RPS6KC1: variants seen among roughly 807,000 people sequenced by gnomAD.
The protein encoded by RPS6KC1 is ribosomal protein S6 kinase C1, also known as inactive ribosomal protein S6 kinase delta-1.
Under a neutral mutation model 103.8 loss-of-function variants are expected in RPS6KC1, and 54 were observed. That is an observed-to-expected ratio of 0.52 (90% confidence interval 0.42 to 0.65). The LOEUF is 0.65. RPS6KC1 is among the 30% of genes least tolerant of loss of function. The probability of loss-of-function intolerance (pLI) is 0.00; values close to 1 mark genes in which losing one functional copy is unlikely to be tolerated. For missense variants in RPS6KC1, 1,151 were observed against 1,253.8 expected (o/e 0.92, Z 1.24); for synonymous variants, 439 against 438.7 (o/e 1.00, Z -0.01).
chr1:213,602,104 C>CT, the RPS6KC1 span, among the ~76,000 whole-genome samples: 7 of 29,710 alleles, frequency 2.4e-4, no homozygotes, highest in African/African-American at 9.7e-4. Flanking sequence ...TTCTTTCTTT[C>CT]TTTCTTTCTT....
the RPS6KC1 span, among the ~76,000 whole-genome samples, chr1:213,547,478 G>A: frequency 6.6e-6 from 1 of 152,190 alleles, no homozygotes; most frequent in African/African-American, 2.4e-5. Flanking sequence ...CAAAATTGAA[G>A]ATGTTCTGTC....
chr1:213,240,000 A>G (rs915965693), intron 10 of RPS6KC1, among the ~76,000 whole-genome samples: 1 of 152,136 alleles, frequency 6.6e-6, no homozygotes, highest in Non-Finnish European at 1.5e-5. Context: ...GATTTACATG[A>G]AAGTGATTTT....
At chr1:213,839,573 C>G in the RPS6KC1 span, among the ~76,000 whole-genome samples, 2 of 152,256 alleles carry the variant, frequency 1.3e-5, no homozygotes, top group East Asian at 3.9e-4. Context: ...TCTACCTCTC[C>G]TCGCCTCTCA....
At chr1:213,212,654 T>G (rs2093544727) in intron 8 of RPS6KC1, among the ~76,000 whole-genome samples, 1 of 152,250 alleles carries the variant, frequency 6.6e-6, no homozygotes, top group Admixed American at 6.5e-5. Flanking sequence ...TGTAAGAAAC[T>G]GCCAAACTGT....
At chr1:213,724,947 C>T in the RPS6KC1 span, among the ~76,000 whole-genome samples, 18 of 152,158 alleles carry the variant, frequency 1.2e-4, no homozygotes, top group Non-Finnish European at 2.1e-4. Flanking sequence ...TGCCTAAAAT[C>T]CATCTGATGG....
chr1:213,395,719 T>G, the RPS6KC1 span, among the ~76,000 whole-genome samples: 483 of 152,286 alleles, frequency 3.2e-3, 4 homozygotes, highest in African/African-American at 0.01. Flanking sequence ...TTTCTAAAGA[T>G]TTAATAATTG....
chr1:213,291,505 T>C, the RPS6KC1 span, among the ~76,000 whole-genome samples: 3 of 152,234 alleles, frequency 2.0e-5, no homozygotes, highest in Non-Finnish European at 4.4e-5. Flanking sequence ...CTGCACAGCG[T>C]TCCTTGCGTG....
chr1:213,447,670 C>A, the RPS6KC1 span, among the ~76,000 whole-genome samples: 1 of 152,118 alleles, frequency 6.6e-6, no homozygotes, highest in Non-Finnish European at 1.5e-5. Context: ...GAATTGCATC[C>A]TAATCAATGC....
At chr1:213,385,217 G>A in the RPS6KC1 span, among the ~76,000 whole-genome samples, 1 of 152,250 alleles carries the variant, frequency 6.6e-6, no homozygotes, top group Non-Finnish European at 1.5e-5. Flanking sequence ...GGGCAGGACT[G>A]TGCCTGTGTG....
chr1:213,729,682 C>T, the RPS6KC1 span, among the ~76,000 whole-genome samples: 3 of 152,178 alleles, frequency 2.0e-5, no homozygotes, highest in African/African-American at 4.8e-5. Context: ...TTCCTTTATT[C>T]CAAGCCTGCT....
chr1:213,194,804 T>C (rs2092879804), intron 8 of RPS6KC1, among the ~76,000 whole-genome samples: 1 of 152,188 alleles, frequency 6.6e-6, no homozygotes, highest in Non-Finnish European at 1.5e-5. Context: ...ATGTACCCCC[T>C]GTCCCCAAGA....
At chr1:213,071,070 T>C (rs1408506275) in intron 2 of RPS6KC1, 29 bp downstream of exon 2, 1 of 1,389,216 alleles carries the variant, frequency 7.2e-7, no homozygotes, top group Non-Finnish European at 9.9e-7. Flanking sequence ...TTTTATTTTA[T>C]GTATTTGATA....
the RPS6KC1 span, among the ~76,000 whole-genome samples, chr1:213,648,337 T>A: frequency 6.6e-6 from 1 of 152,152 alleles, no homozygotes; most frequent in Admixed American, 6.5e-5. Flanking sequence ...TGCATCTCCC[T>A]GTTGCAGACA....
At chr1:213,132,007 A>G (rs952482566) in intron 6 of RPS6KC1, among the ~76,000 whole-genome samples, 9 of 152,232 alleles carry the variant, frequency 5.9e-5, no homozygotes, top group Admixed American at 5.9e-4. Context: ...AGAACATTTC[A>G]TAATGTTACC....
the RPS6KC1 span, among the ~76,000 whole-genome samples, chr1:213,457,060 G>A: frequency 8.5e-5 from 13 of 152,290 alleles, no homozygotes; most frequent in South Asian, 2.1e-4. Flanking sequence ...AGAATGTTTC[G>A]TTTAAAATAA....
the RPS6KC1 span, among the ~76,000 whole-genome samples, chr1:213,407,217 C>T: frequency 0.035 from 1,296 of 37,418 alleles, 7 homozygotes; most frequent in South Asian, 0.048. Context: ...CATGCACGCG[C>T]GCACACACAC....
the RPS6KC1 span, among the ~76,000 whole-genome samples, chr1:213,736,895 G>A: frequency 1.3e-5 from 2 of 152,168 alleles, no homozygotes; most frequent in African/African-American, 4.8e-5. Flanking sequence ...GGGTGAAAGA[G>A]AAACCTAAAA....
chr1:213,281,913 A>T, the RPS6KC1 span, among the ~76,000 whole-genome samples: 20 of 152,268 alleles, frequency 1.3e-4, no homozygotes, highest in African/African-American at 4.6e-4. Flanking sequence ...GGAAGCTCTA[A>T]ATCCATGGTA....
chr1:213,503,471 A>G, the RPS6KC1 span, among the ~76,000 whole-genome samples: 19 of 152,204 alleles, frequency 1.2e-4, no homozygotes, highest in Non-Finnish European at 4.4e-5. Flanking sequence ...GGCTCTGGAT[A>G]AGGTGCCTGT....
Sources: allele counts gnomAD v4.1 joint callset (sites outside exome capture counted in the v4.1 genomes callset), GRCh38; gene constraint gnomAD v4.1.1; transcripts MANE v1.5; gene names NCBI Gene and HGNC (gene_info 2026-07-23, HGNC 2026-07-21).